The following TAF4B variants were observed in gnomAD, a reference collection of about 807,000 sequenced individuals.
TAF4B encodes the protein transcription initiation factor TFIID subunit 4B.
Under a neutral mutation model 86.4 loss-of-function variants are expected in TAF4B, and 38 were observed. The ratio of observed to expected loss-of-function variants is 0.44; its 90% CI spans 0.34 to 0.58. TAF4B has a LOEUF of 0.58. TAF4B is among the 20% of genes least tolerant of loss of function. TAF4B has a pLI of 0.02. For synonymous variants in TAF4B, 388 were observed against 391.2 expected (o/e 0.99, Z 0.10); for missense variants, 988 against 1,027.6 (o/e 0.96, Z 0.53).
At chr18:26,267,344 A>G in intron 2 of TAF4B, 172 bp from the exon 3 acceptor site, 1 of 453,778 alleles carries the variant, frequency 2.2e-6, no homozygotes, top group Non-Finnish European at 3.9e-6. Context: ...TCATCTGGGC[A>G]GCTGACCAGT....
At chr18:26,366,495 T>G (rs887904879) in intron 14 of TAF4B, 5 of 152,090 alleles carry the variant, frequency 3.3e-5, no homozygotes, top group Admixed American at 1.3e-4. Context: ...AACAAATGAT[T>G]ATTTATTTAG....
chr18:26,236,308 G>C (rs1243206519), intron 1 of TAF4B, among the ~76,000 whole-genome samples: 1 of 152,194 alleles, frequency 6.6e-6, no homozygotes, highest in Non-Finnish European at 1.5e-5. Flanking sequence ...TCTTAGGATG[G>C]TAATGGACCT....
chr18:26,267,838 A>G (rs1384531638), intron 3 of TAF4B, among the ~76,000 whole-genome samples: 2 of 152,222 alleles, frequency 1.3e-5, no homozygotes, highest in East Asian at 1.9e-4. Context: ...ACTTCAGTGT[A>G]TTAAGTTAAT....
At chr18:26,316,375 T>TTTC (rs148061353) in intron 10 of TAF4B, among the ~76,000 whole-genome samples, 8 of 151,636 alleles carry the variant, frequency 5.3e-5, no homozygotes, top group African/African-American at 1.2e-4. Flanking sequence ...TGACCAGGGT[T>TTTC]TTCTTCTTCT....
At chr18:26,281,059 A>T (rs1282491052) in intron 5 of TAF4B, among the ~76,000 whole-genome samples, 1 of 152,216 alleles carries the variant, frequency 6.6e-6, no homozygotes, top group Non-Finnish European at 1.5e-5. Flanking sequence ...CAGATACTAC[A>T]TGTTCTCACT....
intron 9 of TAF4B, among the ~76,000 whole-genome samples, chr18:26,295,890 T>C (rs527509721): frequency 6.6e-6 from 1 of 152,286 alleles, no homozygotes; most frequent in East Asian, 1.9e-4. Context: ...GTTCCTCAAT[T>C]CCTATTTGGC....
intron 10 of TAF4B, among the ~76,000 whole-genome samples, chr18:26,318,246 G>C (rs1220919755): frequency 2.6e-5 from 4 of 152,032 alleles, no homozygotes; most frequent in Non-Finnish European, 5.9e-5. Context: ...TGTTGCCCAG[G>C]TTGATCTTGA....
At chr18:26,336,545 T>A (rs377489442) in intron 13 of TAF4B, among the ~76,000 whole-genome samples, 1 of 151,326 alleles carries the variant, frequency 6.6e-6, no homozygotes, top group East Asian at 1.9e-4. Context: ...GAGAACACTT[T>A]AAAAAAAAAG....
rs186747968 is a variant in TAF4B at position 26,237,273 on chromosome 18, G to A, written c.343+9997G>A. Among the ~76,000 whole-genome samples, 852 of 152,296 alleles carry A rather than the reference G, an allele frequency of 5.6e-3. 2 individuals carry two copies. The highest frequency in any genetic ancestry group is 8.7e-3 in the Non-Finnish European group (595 of 68,014). On this transcript the variant is annotated intron_variant, in intron 1 of 14. Coordinates refer to ENST00000269142, the MANE Select transcript of TAF4B (RefSeq NM_005640.3). ...CACATTCTTCTCATTAAAGGCCAGG[G>A]TTTGATCTAACAATAGCAAGACATC...
chr18:26,346,753 A>ATGTG lies in TAF4B; in HGVS notation c.2317-10933_2317-10930dup, dbSNP rs368634912. Among the ~76,000 whole-genome samples the ATGTG allele has an allele frequency of 1.3e-3, 49 of 38,134 alleles. 5 individuals carry two copies. The highest frequency in any genetic ancestry group is 3.6e-3 in the South Asian group (3 of 840). 25.0% of individuals were successfully genotyped at this position (38,134 alleles called of 152,430 possible). A position where few individuals can be genotyped will look rare whatever the true frequency, so the allele number is the denominator to read the frequency against. ...GCTAGCCAAGAATATATATATATAT[A>ATGTG]TGTGTGTATATATATATATATGTGT... On this transcript the variant is annotated intron_variant, in intron 13 of 14. Coordinates refer to ENST00000269142, the MANE Select transcript of TAF4B (RefSeq NM_005640.3).
chr18:26,313,632 T>C (rs1215782093), intron 9 of TAF4B, among the ~76,000 whole-genome samples: 1 of 152,130 alleles, frequency 6.6e-6, no homozygotes, highest in Non-Finnish European at 1.5e-5. Flanking sequence ...TTCTCTTCAT[T>C]TTTTCAATTG....
intron 13 of TAF4B, among the ~76,000 whole-genome samples, chr18:26,354,805 C>G (rs573836183): frequency 6.6e-6 from 1 of 152,284 alleles, no homozygotes; most frequent in Middle Eastern, 3.4e-3. Flanking sequence ...ATTACTGTAG[C>G]CTTATAAGAA....
At chr18:26,314,796 C>T (rs2144663617) in intron 9 of TAF4B, among the ~76,000 whole-genome samples, 1 of 152,184 alleles carries the variant, frequency 6.6e-6, no homozygotes, top group South Asian at 2.1e-4. Context: ...AGAAAGATGT[C>T]TGTTTTCATT....
At chr18:26,367,406 C>T (rs898183791) in intron 14 of TAF4B, among the ~76,000 whole-genome samples, 3 of 152,160 alleles carry the variant, frequency 2.0e-5, no homozygotes, top group African/African-American at 7.2e-5. Context: ...GGTGTAAATA[C>T]GGGAATGAGA....
At chr18:26,290,602 A>G (rs1171648042) in intron 7 of TAF4B, among the ~76,000 whole-genome samples, 2 of 152,010 alleles carry the variant, frequency 1.3e-5, no homozygotes, top group African/African-American at 4.8e-5. Flanking sequence ...GTCTATTGGG[A>G]TAGTTTTTGT....
At chr18:26,321,800 T>C (rs1195546763) in intron 11 of TAF4B, among the ~76,000 whole-genome samples, 1 of 152,160 alleles carries the variant, frequency 6.6e-6, no homozygotes, top group Non-Finnish European at 1.5e-5. Flanking sequence ...CCATAGTCCT[T>C]ATGTTCTACA....
chr18:26,228,361 T>C (rs1156238334), intron 1 of TAF4B, among the ~76,000 whole-genome samples: 2 of 152,228 alleles, frequency 1.3e-5, no homozygotes, highest in Non-Finnish European at 2.9e-5. Context: ...TTGTAGTTAG[T>C]CATACACGTT....
chr18:26,315,317 T>C lies in TAF4B; in HGVS notation c.1921T>C (p.Leu641=), dbSNP rs533126230. The part of the protein sequence containing the change: ...NACILATNSE[L]VGTLIQSCKD... ...CTGCATCTTAGCAACAAACTCTGAATTGGTTGGCACACTCATTCAGTCATG... is the reference window on the plus strand; with the variant it reads ...CTGCATCTTAGCAACAAACTCTGAACTGGTTGGCACACTCATTCAGTCATG... The change falls in exon 10 of 15, where the codon TTG becomes CTG. Residue 641 remains leucine, a synonymous_variant. Coordinates refer to ENST00000269142, the MANE Select transcript of TAF4B (RefSeq NM_005640.3). 3.5e-5 allele frequency: 56 copies of C among 1,613,770 alleles called. No homozygotes were observed. The South Asian group carries it at 5.8e-4, about 17-fold the overall frequency.
intron 14 of TAF4B, among the ~76,000 whole-genome samples, chr18:26,361,007 CACTGCAG>C (rs1397972561): frequency 6.6e-6 from 1 of 152,004 alleles, no homozygotes; most frequent in African/African-American, 2.4e-5. Context: ...TATTGGGCAG[CACTGCAG>C]GACTGCCCAA....
Sources: gnomAD v4.1 joint callset for allele counts (sites outside exome capture counted in the v4.1 genomes callset) on GRCh38, gnomAD v4.1.1 for gene constraint, MANE v1.5 for transcripts, NCBI Gene and HGNC (gene_info 2026-07-23, HGNC 2026-07-21) for gene names.